The following CAST variants were observed in gnomAD, a reference collection of about 807,000 sequenced individuals.
CAST encodes MIR583 host.
A neutral mutation model predicts 119.6 loss-of-function variants in CAST; 76 were observed. The observed-to-expected ratio is 0.64, with a 90% CI of 0.53 to 0.77. The LOEUF (loss-of-function observed/expected upper bound fraction) is 0.77. Ranked by LOEUF, CAST falls within the 30% of genes least tolerant of loss-of-function variation. CAST has a pLI of 0.00. For synonymous variants in CAST, 319 were observed against 331.6 expected, an observed-to-expected ratio of 0.96 and a Z score of 0.41; for missense variants, 953 against 946.5, an observed-to-expected ratio of 1.01 and a Z score of -0.09.
At chr5:95,978,012 G>A in the CAST span, among the ~76,000 whole-genome samples, 2 of 151,980 alleles carry the variant, frequency 1.3e-5, no homozygotes, top group Non-Finnish European at 1.5e-5. Flanking sequence ...GTATTCCACG[G>A]TGTGTATGTA....
intron 9 of CAST, among the ~76,000 whole-genome samples, chr5:96,732,345 G>T (rs1760723102): frequency 8.3e-6 from 1 of 120,136 alleles, no homozygotes; most frequent in South Asian, 3.1e-4. Flanking sequence ...CTTTTTGATG[G>T]GGTTGTTTGT....
At chr5:96,573,208 G>T (rs1233644268) in intron 1 of CAST, among the ~76,000 whole-genome samples, 2 of 152,170 alleles carry the variant, frequency 1.3e-5, no homozygotes, top group Non-Finnish European at 1.5e-5. Flanking sequence ...GTTTTCTAAT[G>T]TATCTTTTGT....
chr5:96,272,514 T>C, the CAST span, among the ~76,000 whole-genome samples: 1 of 152,194 alleles, frequency 6.6e-6, no homozygotes, highest in East Asian at 1.9e-4. Context: ...AAGACAAATA[T>C]TGCATGTTCT....
chr5:96,174,215 C>T, the CAST span, among the ~76,000 whole-genome samples: 8 of 152,296 alleles, frequency 5.3e-5, no homozygotes, highest in Admixed American at 1.3e-4. Context: ...CTTTGGGCTG[C>T]CCAAACTTGC....
At position 96,766,047 on chromosome 5, in the gene CAST, A is replaced by G. The variant is rs1423605147; in HGVS notation, c.2038-6A>G. 4 of 1,528,538 alleles carry G rather than the reference A, an allele frequency of 2.6e-6. No homozygotes were observed. Among genetic ancestry groups the G allele is most frequent in the Non-Finnish European group, 3.6e-6 (4 of 1,104,132 alleles). 94.7% of individuals were successfully genotyped at this position (1,528,538 alleles called of 1,614,324 possible). ...TATTAATTCTATCTGCTCACTGTTGATATAGGAAAAAGCTAAAGCTGAACA... is the reference window on the plus strand; with the variant it reads ...TATTAATTCTATCTGCTCACTGTTGGTATAGGAAAAAGCTAAAGCTGAACA... On this transcript the variant is annotated splice_polypyrimidine_tract_variant and splice_region_variant and intron_variant, in intron 26 of 31. Coordinates refer to ENST00000675179, the MANE Select transcript of CAST (RefSeq NM_001750.7).
At chr5:95,980,392 A>T in the CAST span, 1 of 152,254 alleles carries the variant, frequency 6.6e-6, no homozygotes, top group South Asian at 2.1e-4. Context: ...TGCTTTTGGT[A>T]CCCATTAGAG....
At chr5:96,514,421 A>G in the CAST span, among the ~76,000 whole-genome samples, 1 of 152,160 alleles carries the variant, frequency 6.6e-6, no homozygotes, top group Admixed American at 6.5e-5. Context: ...GTGCCTGCCC[A>G]AGTATTTGCT....
At chr5:96,283,020 C>T in the CAST span, among the ~76,000 whole-genome samples, 1 of 150,088 alleles carries the variant, frequency 6.7e-6, no homozygotes, top group Non-Finnish European at 1.5e-5. Flanking sequence ...GTCCCAGCTA[C>T]TCGGGAGGCT....
At chr5:96,762,607 T>C (rs747369605) in intron 25 of CAST, 19 of 421,394 alleles carry the variant, frequency 4.5e-5, no homozygotes, top group Non-Finnish European at 7.6e-5. Flanking sequence ...AGGACCTTAA[T>C]ATTATTGTTG....
the CAST span, among the ~76,000 whole-genome samples, chr5:96,281,159 A>G: frequency 6.6e-6 from 1 of 152,196 alleles, no homozygotes; most frequent in Non-Finnish European, 1.5e-5. Flanking sequence ...ATTGAGAGCA[A>G]TACTTCCTCA....
At chr5:96,192,696 A>T in the CAST span, among the ~76,000 whole-genome samples, 2 of 152,328 alleles carry the variant, frequency 1.3e-5, no homozygotes, top group Non-Finnish European at 2.9e-5. Flanking sequence ...AGACTTGGCC[A>T]TGTGTCTTGC....
chr5:96,030,363 C>G, the CAST span, among the ~76,000 whole-genome samples: 3 of 152,126 alleles, frequency 2.0e-5, no homozygotes, highest in Non-Finnish European at 4.4e-5. Context: ...GCTCTAGCAC[C>G]AATCCTACAA....
intron 1 of CAST, among the ~76,000 whole-genome samples, chr5:96,671,254 A>G (rs1426568661): frequency 6.6e-6 from 1 of 151,914 alleles, no homozygotes; most frequent in Non-Finnish European, 1.5e-5. Context: ...ATTCTTTACT[A>G]TGGCATCCTG....
the CAST span, among the ~76,000 whole-genome samples, chr5:96,508,012 ATTATTATTATT>A: frequency 6.7e-6 from 1 of 148,638 alleles, no homozygotes; most frequent in African/African-American, 2.5e-5. Flanking sequence ...TATTATTATT[ATTATTATTATT>A]ATTATTATTT....
the CAST span, among the ~76,000 whole-genome samples, chr5:96,152,562 A>G: frequency 6.6e-6 from 1 of 152,230 alleles, no homozygotes. Flanking sequence ...TCATTGACAC[A>G]TCTCACAATC....
intron 3 of CAST, among the ~76,000 whole-genome samples, chr5:96,719,559 G>T (rs1194938075): frequency 6.6e-6 from 1 of 152,136 alleles, no homozygotes; most frequent in African/African-American, 2.4e-5. Flanking sequence ...TCTGACTTGT[G>T]CCTTAATTCA....
At chr5:96,293,403 G>T in the CAST span, among the ~76,000 whole-genome samples, 323 of 152,100 alleles carry the variant, frequency 2.1e-3, 1 homozygote, top group Admixed American at 5.6e-3. Flanking sequence ...TCAGCCTCCC[G>T]AGTAGCTGGG....
chr5:96,144,630 C>G, the CAST span, among the ~76,000 whole-genome samples: 1 of 151,412 alleles, frequency 6.6e-6, no homozygotes, highest in South Asian at 2.1e-4. Context: ...TTTGCTATGA[C>G]TGTCATTCAT....
At chr5:96,096,151 A>G in the CAST span, among the ~76,000 whole-genome samples, 1 of 152,158 alleles carries the variant, frequency 6.6e-6, no homozygotes, top group Admixed American at 6.5e-5. Flanking sequence ...GCTGCCCTAA[A>G]AGGAGGTAGA....
Sources: gnomAD v4.1 joint callset for allele counts (sites outside exome capture counted in the v4.1 genomes callset) on GRCh38, gnomAD v4.1.1 for gene constraint, MANE v1.5 for transcripts, NCBI Gene and HGNC (gene_info 2026-07-23, HGNC 2026-07-21) for gene names.